The following KCNU1 variants were observed in gnomAD, a reference collection of about 807,000 sequenced individuals.
The protein encoded by KCNU1 is potassium channel subfamily U member 1.
A neutral mutation model predicts 126.8 loss-of-function variants in KCNU1; 93 were observed. That is an observed-to-expected ratio of 0.73 (90% confidence interval 0.62 to 0.87). The LOEUF is 0.87. Ranked by LOEUF, KCNU1 falls within the 40% of genes least tolerant of loss-of-function variation. The probability of loss-of-function intolerance (pLI) is 0.00; values close to 1 mark genes in which losing one functional copy is unlikely to be tolerated. For synonymous variants in KCNU1, 523 were observed against 494.2 expected (o/e 1.06, Z -0.77); for missense variants, 1,330 against 1,367.1 (o/e 0.97, Z 0.43).
intron 12 of KCNU1, among the ~76,000 whole-genome samples, chr8:36,835,438 C>T (rs1434946077): frequency 6.6e-6 from 1 of 151,810 alleles, no homozygotes; most frequent in Admixed American, 6.6e-5. Context: ...TCCACCTCCC[C>T]GGTGCAAGCA....
At chr8:36,832,146 C>G (rs577792626) in intron 10 of KCNU1, among the ~76,000 whole-genome samples, 5 of 152,288 alleles carry the variant, frequency 3.3e-5, no homozygotes, top group Admixed American at 1.3e-4. Flanking sequence ...CAGTACCATG[C>G]TGTTTTGGTT....
intron 19 of KCNU1, among the ~76,000 whole-genome samples, chr8:36,874,482 A>C (rs1806210491): frequency 6.6e-6 from 1 of 152,076 alleles, no homozygotes; most frequent in Non-Finnish European, 1.5e-5. Flanking sequence ...TCACTCAAGG[A>C]TGGTACAGAG....
intron 4 of KCNU1, 24 bp downstream of exon 4, chr8:36,805,309 G>A: frequency 7.2e-7 from 1 of 1,396,902 alleles, no homozygotes; most frequent in Non-Finnish European, 1.0e-6. Context: ...GAAAGTGGGA[G>A]TGAATATCCA....
chr8:36,804,952 A>G (rs984604455), intron 3 of KCNU1, among the ~76,000 whole-genome samples: 6 of 152,216 alleles, frequency 3.9e-5, no homozygotes, highest in Admixed American at 3.3e-4. Context: ...GAACCAATAC[A>G]TCCTACAAAA....
chr8:36,850,664 TCA>T (rs1172990822), intron 18 of KCNU1, among the ~76,000 whole-genome samples: 1 of 152,140 alleles, frequency 6.6e-6, no homozygotes, highest in African/African-American at 2.4e-5. Flanking sequence ...ATCATATTTC[TCA>T]GTCTGTTCTC....
At chr8:36,839,742 A>G (rs1804881644) in intron 14 of KCNU1, among the ~76,000 whole-genome samples, 1 of 152,198 alleles carries the variant, frequency 6.6e-6, no homozygotes, top group Admixed American at 6.5e-5. Context: ...GGTTTTAAGA[A>G]GACTGTCTTG....
At chr8:36,828,212 G>C (rs896548118) in intron 10 of KCNU1, among the ~76,000 whole-genome samples, 2 of 152,018 alleles carry the variant, frequency 1.3e-5, no homozygotes, top group African/African-American at 2.4e-5. Flanking sequence ...ATCAGGATGA[G>C]ATTTATTTTA....
intron 19 of KCNU1, among the ~76,000 whole-genome samples, chr8:36,873,015 G>A (rs1234668434): frequency 6.6e-6 from 1 of 152,126 alleles, no homozygotes; most frequent in Admixed American, 6.6e-5. Flanking sequence ...GGAGGTGGAG[G>A]TTGTAGTGAG....
Position 36,909,494 on chromosome 8 carries a change from T to C in KCNU1, c.2290T>C (p.Trp764Arg). 1 of 1,612,758 alleles carries C rather than the reference T, an allele frequency of 6.2e-7. No individual in the cohort carries two copies. The highest frequency in any genetic ancestry group is 8.5e-7 in the Non-Finnish European group (1 of 1,178,794). ...GTCTCTGGACTATCTACAGAGAGAA[T>C]GGCGATTTCTCTGGAATTTTCCCCA... Reference protein sequence around the residue: ...IGSLDYLQREWRFLWNFPQIY... With the variant: ...IGSLDYLQRERRFLWNFPQIY... The change falls in exon 21 of 27, where the codon TGG becomes CGG. Residue 764 changes from tryptophan to arginine, a missense_variant. Transcript: ENST00000399881.
chr8:36,870,930 TCC>T (rs1806079128), intron 19 of KCNU1, among the ~76,000 whole-genome samples: 1 of 152,194 alleles, frequency 6.6e-6, no homozygotes, highest in East Asian at 1.9e-4. Flanking sequence ...CACTTATGTT[TCC>T]CATTCTATGG....
chr8:36,865,912 T>G (rs953966099), intron 19 of KCNU1, among the ~76,000 whole-genome samples: 6 of 151,536 alleles, frequency 4.0e-5, no homozygotes, highest in Non-Finnish European at 7.4e-5. Flanking sequence ...TTATGCTAAG[T>G]GAAGTAAGCC....
At chr8:36,832,685 G>C (rs937378949) in intron 10 of KCNU1, among the ~76,000 whole-genome samples, 2 of 151,754 alleles carry the variant, frequency 1.3e-5, no homozygotes, top group African/African-American at 2.4e-5. Context: ...ACTGACTTTT[G>C]ATGTGGTTTA....
intron 2 of KCNU1, among the ~76,000 whole-genome samples, chr8:36,798,198 TGAG>T (rs879856634): frequency 2.6e-5 from 4 of 152,158 alleles, no homozygotes; most frequent in Non-Finnish European, 4.4e-5. Flanking sequence ...TCTTAGGTCT[TGAG>T]GACTAAGCTC....
In KCNU1 at chr8:36,921,659, GAAAAAAAAAA is replaced by G. The variant is rs58109120; in HGVS notation, c.2597-819_2597-810del. On this transcript the variant is annotated intron_variant, in intron 23 of 26. Coordinates refer to ENST00000399881, the MANE Select transcript of KCNU1 (RefSeq NM_001031836.3). ...TGGGCAGCCTGGGCGATGAAGTGAG[GAAAAAAAAAA>G]AAAAAAAAAAAGAAGAGTCTAGGAA... Among the ~76,000 whole-genome samples the G allele has an allele frequency of 2.0e-4, 20 of 97,730 alleles. No homozygotes were observed. The East Asian group carries it at 5.0e-3, about 24-fold the overall frequency. 64.1% of individuals were successfully genotyped at this position (97,730 alleles called of 152,430 possible). A position where few individuals can be genotyped will look rare whatever the true frequency, so the allele number is the denominator to read the frequency against.
chr8:36,850,954 G>A (rs1326934470), intron 18 of KCNU1, among the ~76,000 whole-genome samples: 2 of 152,168 alleles, frequency 1.3e-5, no homozygotes, highest in African/African-American at 4.8e-5. Context: ...GTAACCTTAT[G>A]CAAGTACCAC....
intron 19 of KCNU1, among the ~76,000 whole-genome samples, chr8:36,883,344 C>T (rs1359048232): frequency 6.6e-6 from 1 of 152,176 alleles, no homozygotes; most frequent in Non-Finnish European, 1.5e-5. Context: ...CAGGCTAAAT[C>T]CCCTATCTGT....
intron 24 of KCNU1, chr8:36,923,155 G>A (rs1166474619): frequency 2.3e-6 from 1 of 440,372 alleles, no homozygotes; most frequent in Non-Finnish European, 4.6e-6. Flanking sequence ...TTAGCCACCT[G>A]GCAGACCTTT....
chr8:36,898,141 A>T (rs543191897), intron 19 of KCNU1, among the ~76,000 whole-genome samples: 1 of 152,276 alleles, frequency 6.6e-6, no homozygotes, highest in Admixed American at 6.5e-5. Context: ...CCATTTCAAC[A>T]TTCAGCCACA....
chr8:36,833,616 T>C lies in KCNU1; in HGVS notation c.1169T>C (p.Ile390Thr). 1 of 1,612,516 alleles carries C rather than the reference T, an allele frequency of 6.2e-7. No individual in the cohort carries two copies. Among genetic ancestry groups the C allele is most frequent in the Non-Finnish European group, 8.5e-7 (1 of 1,178,790 alleles). The change falls in exon 11 of 27, where the codon ATT becomes ACT. Residue 390 changes from isoleucine to threonine, a missense_variant. Coordinates refer to ENST00000399881, the MANE Select transcript of KCNU1 (RefSeq NM_001031836.3). ...TGCTACTTGGCCTACACAACGTTCA[T>C]TTCTGGATCTGCAATGAAGTGGGAG... Reference protein sequence around the residue: ...FKCYLAYTTFISGSAMKWEDL... With the variant: ...FKCYLAYTTFTSGSAMKWEDL...
Sources: gnomAD v4.1 joint callset for allele counts (sites outside exome capture counted in the v4.1 genomes callset) on GRCh38, gnomAD v4.1.1 for gene constraint, MANE v1.5 for transcripts, NCBI Gene and HGNC (gene_info 2026-07-23, HGNC 2026-07-21) for gene names.